Variants in CERS6 observed in about 807,000 individuals in gnomAD.
CERS6 encodes the protein ceramide synthase 6, also known as LAG1 homolog, ceramide synthase 6.
In CERS6, 26 loss-of-function variants were observed where a neutral mutation model predicts 56.8. The ratio of observed to expected loss-of-function variants is 0.46; its 90% confidence interval spans 0.34 to 0.63. The LOEUF (loss-of-function observed/expected upper bound fraction) is 0.63, where lower values mean the gene tolerates loss of function less well. CERS6 is among the 30% of genes least tolerant of loss of function. The probability of loss-of-function intolerance (pLI) is 0.01; values close to 1 mark genes in which losing one functional copy is unlikely to be tolerated. For missense variants in CERS6, 415 were observed against 467.5 expected (o/e 0.89, Z 1.04); for synonymous variants, 164 against 173.3 (o/e 0.95, Z 0.42).
chr2:168,507,056 A>ATG (rs376928754), intron 1 of CERS6, among the ~76,000 whole-genome samples: 3 of 151,734 alleles, frequency 2.0e-5, no homozygotes, highest in African/African-American at 7.3e-5. Context: ...GTGTGTATGC[A>ATG]TGTGTGTGTG....
chr2:168,649,120 G>T (rs1345341027), intron 4 of CERS6, among the ~76,000 whole-genome samples: 1 of 152,052 alleles, frequency 6.6e-6, no homozygotes, highest in African/African-American at 2.4e-5. Context: ...AGAAGGATGG[G>T]TCGTTAGCTG....
At chr2:168,487,860 G>A (rs1053378010) in intron 1 of CERS6, among the ~76,000 whole-genome samples, 5 of 152,054 alleles carry the variant, frequency 3.3e-5, no homozygotes, top group African/African-American at 1.2e-4. Context: ...GCTGGGCGAC[G>A]TGTGTGCCAT....
At chr2:168,763,728 C>T (rs1453691694) in intron 8 of CERS6, among the ~76,000 whole-genome samples, 1 of 152,172 alleles carries the variant, frequency 6.6e-6, no homozygotes, top group Non-Finnish European at 1.5e-5. Flanking sequence ...TAAGTGTTAT[C>T]CACCTAGCCT....
At position 168,506,089 on chromosome 2, in the gene CERS6, A is replaced by G. The variant is rs1694672432; in HGVS notation, c.171-41507A>G. Among the ~76,000 whole-genome samples the G allele has an allele frequency of 2.6e-5, 4 of 152,168 alleles. No individual in the cohort carries two copies. The South Asian group carries it at 8.3e-4, about 32-fold the overall frequency. On this transcript the variant is annotated intron_variant, in intron 1 of 9. Coordinates refer to ENST00000305747, the MANE Select transcript of CERS6 (RefSeq NM_203463.3). Reference sequence around the variant, plus strand: ...TCTATTCTTTTTGAGAGGCGATCAGATATGGATGCCAATTCATGCGGCCTT... The same window carrying G: ...TCTATTCTTTTTGAGAGGCGATCAGGTATGGATGCCAATTCATGCGGCCTT...
At chr2:168,738,481 T>G (rs1683782424) in intron 8 of CERS6, among the ~76,000 whole-genome samples, 1 of 152,246 alleles carries the variant, frequency 6.6e-6, no homozygotes, top group Admixed American at 6.5e-5. Context: ...AGATGAACAG[T>G]GCTTACGACT....
chr2:168,519,847 G>T (rs1277122955), intron 1 of CERS6, among the ~76,000 whole-genome samples: 2 of 152,084 alleles, frequency 1.3e-5, no homozygotes, highest in Non-Finnish European at 2.9e-5. Context: ...TGGGCATCTG[G>T]GTTGATTTGT....
intron 9 of CERS6, among the ~76,000 whole-genome samples, chr2:168,768,121 T>C (rs995141510): frequency 6.6e-6 from 1 of 152,226 alleles, no homozygotes; most frequent in African/African-American, 2.4e-5. Context: ...TTTATGGTAA[T>C]GTATAGATTT....
intron 4 of CERS6, among the ~76,000 whole-genome samples, chr2:168,659,680 G>A (rs1685578745): frequency 6.6e-6 from 1 of 151,640 alleles, no homozygotes. Flanking sequence ...TGTCTGTATT[G>A]TCTGTTTTTT....
intron 1 of CERS6, among the ~76,000 whole-genome samples, chr2:168,464,759 C>A (rs1260013483): frequency 6.6e-6 from 1 of 150,928 alleles, no homozygotes; most frequent in South Asian, 2.1e-4. Context: ...GTGAGTGAGA[C>A]CCCATGTCAA....
At chr2:168,567,615 A>G (rs1574070698) in intron 3 of CERS6, among the ~76,000 whole-genome samples, 1 of 152,238 alleles carries the variant, frequency 6.6e-6, no homozygotes, top group Non-Finnish European at 1.5e-5. Context: ...GGCAGGCTGG[A>G]TTTGGCCCTC....
At chr2:168,516,441 G>A (rs1464028220) in intron 1 of CERS6, among the ~76,000 whole-genome samples, 1 of 152,048 alleles carries the variant, frequency 6.6e-6, no homozygotes, top group African/African-American at 2.4e-5. Flanking sequence ...AGTGTATAGC[G>A]ATTAAGGGAG....
At chr2:168,476,913 ACC>A (rs1694082223) in intron 1 of CERS6, among the ~76,000 whole-genome samples, 1 of 152,126 alleles carries the variant, frequency 6.6e-6, no homozygotes, top group Admixed American at 6.5e-5. Flanking sequence ...ATAATGCTTT[ACC>A]AGTTCTCTAG....
At chr2:168,634,240 G>A (rs1437663305) in intron 4 of CERS6, among the ~76,000 whole-genome samples, 4 of 152,190 alleles carry the variant, frequency 2.6e-5, no homozygotes. Context: ...ATATAAGAGA[G>A]TCTGCTCATA....
intron 3 of CERS6, among the ~76,000 whole-genome samples, chr2:168,615,895 A>T (rs1684305534): frequency 6.6e-6 from 1 of 152,234 alleles, no homozygotes; most frequent in African/African-American, 2.4e-5. Flanking sequence ...TCACAAAAAG[A>T]TCATCGCCTA....
intron 8 of CERS6, among the ~76,000 whole-genome samples, chr2:168,732,206 G>C (rs1176695871): frequency 6.6e-6 from 1 of 152,150 alleles, no homozygotes; most frequent in Non-Finnish European, 1.5e-5. Flanking sequence ...CTCAGTAGCA[G>C]TCACATGGCA....
chr2:168,641,588 TG>T (rs1685049097), intron 4 of CERS6, among the ~76,000 whole-genome samples: 1 of 152,178 alleles, frequency 6.6e-6, no homozygotes, highest in Non-Finnish European at 1.5e-5. Context: ...CCCTCACCAT[TG>T]AACACCTATA....
At chr2:168,554,456 C>T (rs528444831) in intron 2 of CERS6, among the ~76,000 whole-genome samples, 7 of 152,134 alleles carry the variant, frequency 4.6e-5, no homozygotes, top group South Asian at 2.1e-4. Context: ...TCCAATATGC[C>T]GGGTGTCCAT....
At chr2:168,685,196 G>A (rs1686317003) in intron 4 of CERS6, among the ~76,000 whole-genome samples, 1 of 152,140 alleles carries the variant, frequency 6.6e-6, no homozygotes, top group African/African-American at 2.4e-5. Context: ...TGCTGATTTC[G>A]AGTAAATACC....
chr2:168,675,484 G>A (rs1229068946), intron 4 of CERS6, among the ~76,000 whole-genome samples: 1 of 151,908 alleles, frequency 6.6e-6, no homozygotes, highest in Non-Finnish European at 1.5e-5. Flanking sequence ...TACTTGGGGG[G>A]CTGAGGCAGG....
Sources: gnomAD v4.1 joint callset for allele counts (sites outside exome capture counted in the v4.1 genomes callset) on GRCh38, gnomAD v4.1.1 for gene constraint, MANE v1.5 for transcripts, NCBI Gene and HGNC (gene_info 2026-07-23, HGNC 2026-07-21) for gene names.